Variants in CMTM7 observed in about 807,000 individuals in gnomAD.
CMTM7 encodes CKLF-like MARVEL transmembrane domain-containing protein 7.
In CMTM7, 7 loss-of-function variants were observed where a neutral mutation model predicts 19.3. That is an observed-to-expected ratio of 0.36 (90% CI 0.21 to 0.68). The LOEUF is 0.68. Ranked by LOEUF, CMTM7 falls within the 30% of genes least tolerant of loss-of-function variation. CMTM7 has a pLI of 0.60. For missense variants in CMTM7, 193 were observed against 232.6 expected (o/e 0.83, Z 1.11); for synonymous variants, 87 against 99.3 (o/e 0.88, Z 0.74).
At position 32,419,666 on chromosome 3, in the gene CMTM7, A is replaced by C. The variant is rs533894647; in HGVS notation, c.160-22174A>C. On this transcript the variant is annotated intron_variant, in intron 1 of 4. Transcript: ENST00000334983. ...ATGGCTTTTCTTGTTTTGTCTGTTC[A>C]TAAGGCATATACATTTGAAACATTT... is the stretch of plus-strand genomic sequence containing the variant. Among the ~76,000 whole-genome samples the C allele has an allele frequency of 5.9e-5, 9 of 152,308 alleles. 1 individual carries two copies. The Middle Eastern group carries it at 0.024, about 403-fold the overall frequency.
intron 1 of CMTM7, among the ~76,000 whole-genome samples, chr3:32,411,413 A>G (rs556522862): frequency 6.6e-6 from 1 of 152,368 alleles, no homozygotes; most frequent in East Asian, 1.9e-4. Flanking sequence ...ATTTTTTTAC[A>G]GTCAGAGCCT....
chr3:32,445,791 C>T (rs1264070398), intron 2 of CMTM7, among the ~76,000 whole-genome samples: 2 of 152,186 alleles, frequency 1.3e-5, no homozygotes, highest in Non-Finnish European at 2.9e-5. Flanking sequence ...GTGGCGATTA[C>T]AGGCATGAGC....
At position 32,391,983 on chromosome 3, in the gene CMTM7, A is replaced by G; in HGVS notation, c.77A>G (p.Gln26Arg). 8.1e-7 allele frequency: 1 copy of G among 1,233,086 alleles called. No homozygotes were observed. The highest frequency in any genetic ancestry group is 1.0e-6 in the Non-Finnish European group (1 of 986,876). 76.4% of individuals were successfully genotyped at this position (1,233,086 alleles called of 1,614,324 possible). The part of the protein sequence containing the change: ...SALGPGAGAA[Q>R]PSASPLEGLL... ...CTCGGACCCGGGGCCGGCGCGGCCC[A>G]GCCCAGCGCGAGCCCCTTGGAGGGG... The change falls in exon 1 of 5, where the codon CAG becomes CGG. Residue 26 changes from glutamine (Q) to arginine (R), a missense_variant. By Grantham distance (43) the Gln-to-Arg change is conservative. Coordinates refer to ENST00000334983, the MANE Select transcript of CMTM7 (RefSeq NM_138410.4).
At chr3:32,412,033 G>A (rs1187564495) in intron 1 of CMTM7, among the ~76,000 whole-genome samples, 1 of 152,182 alleles carries the variant, frequency 6.6e-6, no homozygotes, top group East Asian at 1.9e-4. Context: ...TCATAAAGTA[G>A]GCTTTTTGGT....
In CMTM7 at chr3:32,392,040, C is replaced by A; in HGVS notation, c.134C>A (p.Ala45Glu). The A allele has an allele frequency of 8.1e-7, 1 of 1,235,320 alleles. No homozygotes were observed. The highest frequency in any genetic ancestry group is 4.1e-5 in the South Asian group (1 of 24,346). The allele number at this position is 1,235,320 out of a possible 1,614,324, so 76.5% of individuals were successfully genotyped here. The change falls in exon 1 of 5, where the codon GCG becomes GAG. Residue 45 changes from alanine (A) to glutamate (E), a missense_variant. Transcript: ENST00000334983. ...GACCTCAGCTACCCCCGCACCCACGCGGCCCTGCTGAAAGTGGCGCAAATG... is the reference window on the plus strand; with the variant it reads ...GACCTCAGCTACCCCCGCACCCACGAGGCCCTGCTGAAAGTGGCGCAAATG... ...LLDLSYPRTHAALLKVAQMVT... is the reference protein window; with the variant it reads ...LLDLSYPRTHEALLKVAQMVT...
intron 1 of CMTM7, among the ~76,000 whole-genome samples, chr3:32,428,872 T>TGCCCACCTGTG (rs1696472602): frequency 6.6e-6 from 1 of 152,174 alleles, no homozygotes; most frequent in African/African-American, 2.4e-5. Context: ...AGATAACAGC[T>TGCCCACCTGTG]GCCCACCTGT....
intron 1 of CMTM7, among the ~76,000 whole-genome samples, chr3:32,394,449 G>A (rs1201574066): frequency 6.6e-6 from 1 of 152,100 alleles, no homozygotes; most frequent in East Asian, 1.9e-4. Flanking sequence ...CAATAGATCT[G>A]CCAACACGTT....
chr3:32,425,959 A>G (rs1696424914), intron 1 of CMTM7, among the ~76,000 whole-genome samples: 1 of 152,184 alleles, frequency 6.6e-6, no homozygotes, highest in Admixed American at 6.5e-5. Flanking sequence ...CAGCCTGACC[A>G]ACATGGAGAA....
chr3:32,423,830 A>G (rs1013221886), intron 1 of CMTM7, among the ~76,000 whole-genome samples: 1 of 152,168 alleles, frequency 6.6e-6, no homozygotes, highest in Admixed American at 6.5e-5. Context: ...CCAGCCCCCC[A>G]GGTGCAGGTC....
intron 1 of CMTM7, among the ~76,000 whole-genome samples, chr3:32,399,481 C>T (rs73071437): frequency 0.091 from 13,873 of 151,950 alleles, 755 homozygotes; most frequent in South Asian, 0.13. Flanking sequence ...GGCAGGAGAG[C>T]GGGTCCTGGA....
chr3:32,453,124 T>C (rs988191431), intron 4 of CMTM7, among the ~76,000 whole-genome samples: 3 of 151,476 alleles, frequency 2.0e-5, no homozygotes, highest in African/African-American at 7.3e-5. Flanking sequence ...TTTTAGAAAA[T>C]ACAGATAAAA....
At chr3:32,426,702 G>A (rs1696438379) in intron 1 of CMTM7, among the ~76,000 whole-genome samples, 1 of 152,056 alleles carries the variant, frequency 6.6e-6, no homozygotes, top group Non-Finnish European at 1.5e-5. Context: ...ATATCTACAG[G>A]TTTTGTAATT....
In CMTM7 at chr3:32,441,959, G is replaced by T; in HGVS notation, c.279G>T (p.Leu93=). 6.2e-7 allele frequency: 1 copy of T among 1,614,142 alleles called. No homozygotes were observed. The change falls in exon 2 of 5, where the codon CTG becomes CTT. Residue 93 remains leucine, a synonymous_variant. Coordinates refer to ENST00000334983, the MANE Select transcript of CMTM7 (RefSeq NM_138410.4). ...TGATAATGATCCTCGCCTTTTACCT[G>T]GTCCACCTCTTCCGCTTCTACCGCG... ...CDLIMILAFY[L]VHLFRFYRVL... is the part of the protein sequence containing the mutation.
intron 1 of CMTM7, among the ~76,000 whole-genome samples, chr3:32,429,624 G>A (rs1394472711): frequency 5.7e-5 from 8 of 139,510 alleles, no homozygotes; most frequent in Admixed American, 2.9e-4. Flanking sequence ...TTTTTGAGAC[G>A]GAGTCTCACT....
At chr3:32,439,230 A>G (rs1170066487) in intron 1 of CMTM7, among the ~76,000 whole-genome samples, 1 of 152,046 alleles carries the variant, frequency 6.6e-6, no homozygotes, top group Non-Finnish European at 1.5e-5. Context: ...GAAATACACA[A>G]ATGTTGAGGG....
chr3:32,414,943 G>T (rs921723449), intron 1 of CMTM7, among the ~76,000 whole-genome samples: 1 of 152,088 alleles, frequency 6.6e-6, no homozygotes, highest in Non-Finnish European at 1.5e-5. Flanking sequence ...ATGGGAATTT[G>T]ACCCCAGAAC....
At chr3:32,426,096 G>T (rs990640719) in intron 1 of CMTM7, among the ~76,000 whole-genome samples, 2 of 152,202 alleles carry the variant, frequency 1.3e-5, no homozygotes, top group African/African-American at 4.8e-5. Context: ...GGTGAGCCAA[G>T]ATCGCACCAT....
intron 1 of CMTM7, among the ~76,000 whole-genome samples, chr3:32,410,747 T>C (rs1454189683): frequency 2.6e-5 from 4 of 152,246 alleles, no homozygotes; most frequent in African/African-American, 7.2e-5. Context: ...CCTGTTGTGA[T>C]AGCACCTTTC....
intron 1 of CMTM7, among the ~76,000 whole-genome samples, chr3:32,439,275 A>T (rs1490199691): frequency 6.6e-6 from 1 of 152,188 alleles, no homozygotes; most frequent in African/African-American, 2.4e-5. Flanking sequence ...TTCTGTTTCG[A>T]TCTGGTAAGC....
Sources: gnomAD v4.1 joint callset for allele counts (sites outside exome capture counted in the v4.1 genomes callset) on GRCh38, gnomAD v4.1.1 for gene constraint, MANE v1.5 for transcripts, NCBI Gene and HGNC (gene_info 2026-07-23, HGNC 2026-07-21) for gene names.